Variants in MAN2B2 observed in about 807,000 individuals in gnomAD.
The protein encoded by MAN2B2 is epididymis-specific alpha-mannosidase.
Under a neutral mutation model 117.1 loss-of-function variants are expected in MAN2B2, and 106 were observed. That is an observed-to-expected ratio of 0.90 (90% CI 0.77 to 1.06). The LOEUF is 1.06. Ranked by LOEUF, MAN2B2 falls within the 50% of genes least tolerant of loss-of-function variation. The probability of loss-of-function intolerance (pLI) is 0.00; values close to 1 mark genes in which losing one functional copy is unlikely to be tolerated. For missense variants in MAN2B2, 1,326 were observed against 1,381.4 expected, an observed-to-expected ratio of 0.96 and a Z score of 0.64; for synonymous variants, 544 against 595.1, an observed-to-expected ratio of 0.91 and a Z score of 1.25.
chr4:6,609,168 G>T lies in MAN2B2; in HGVS notation c.1876G>T (p.Val626Leu). ...CCTGGAGTACCACGTCAACGGGGAT[G>T]TGAAACAGGGCCCCATTTCCGATAA... ...EFLEYHVNGD[V>L]KQGPISDNYL... The change falls in exon 12 of 19, where the codon GTG (valine) becomes TTG (leucine). Residue 626 changes from valine to leucine, a missense_variant. Transcript: ENST00000285599. 6.2e-7 allele frequency: 1 copy of T among 1,614,248 alleles called. No individual in the cohort carries two copies. Among genetic ancestry groups the T allele is most frequent in the Non-Finnish European group, 8.5e-7 (1 of 1,180,036 alleles).
chr4:6,578,325 T>A, intron 2 of MAN2B2, 68 bp from the exon 3 acceptor site: 1 of 1,201,424 alleles, frequency 8.3e-7, no homozygotes, highest in Non-Finnish European at 1.2e-6. Flanking sequence ...TGTAGGTGTG[T>A]TCCCCACAGA....
chr4:6,617,952 A>T (rs1456339732), intron 17 of MAN2B2: 1 of 168,616 alleles, frequency 5.9e-6, no homozygotes, highest in Non-Finnish European at 1.2e-5. Flanking sequence ...GGTTCAAGTG[A>T]TTCTCCTGCC....
At position 6,593,171 on chromosome 4, in the gene MAN2B2, A is replaced by G; in HGVS notation, c.681-2A>G. On this transcript the variant is annotated splice_acceptor_variant, in intron 5 of 18. Coordinates refer to ENST00000285599, the MANE Select transcript of MAN2B2 (RefSeq NM_015274.3). LOFTEE classifies it high-confidence loss of function. ...CTGCCCTAACCTTCTGCCCTCGCAC[A>G]GGTCAGGATTTTACTGGAATGGCGT... 6.2e-7 allele frequency: 1 copy of G among 1,613,222 alleles called. No individual in the cohort carries two copies. The highest frequency in any genetic ancestry group is 1.3e-5 in the African/African-American group (1 of 75,004).
chr4:6,612,700 C>T (rs1056589824), intron 15 of MAN2B2, among the ~76,000 whole-genome samples: 3 of 152,254 alleles, frequency 2.0e-5, no homozygotes, highest in African/African-American at 7.2e-5. Flanking sequence ...TTCTGTGTAG[C>T]TGGGGCTTTT....
intron 4 of MAN2B2, among the ~76,000 whole-genome samples, chr4:6,587,404 G>A (rs1374689915): frequency 6.6e-6 from 1 of 152,156 alleles, no homozygotes; most frequent in African/African-American, 2.4e-5. Flanking sequence ...GCTGCCTCCC[G>A]CTTCCAGACC....
intron 12 of MAN2B2, 106 bp downstream of exon 12, chr4:6,609,404 G>A (rs1560659038): frequency 1.7e-6 from 2 of 1,150,912 alleles, no homozygotes; most frequent in Admixed American, 2.4e-5. Flanking sequence ...CAGCTTCCGG[G>A]CCGTGGTTGA....
At chr4:6,607,586 T>C (rs1463677636) in intron 11 of MAN2B2, among the ~76,000 whole-genome samples, 1 of 152,376 alleles carries the variant, frequency 6.6e-6, no homozygotes, top group East Asian at 1.9e-4. Context: ...GGCAGAATAC[T>C]ATTCCATCGC....
rs201984178 is a variant in MAN2B2 at position 6,621,207 on chromosome 4, G to A, written c.2952G>A (p.Ser984=). 3.8e-5 allele frequency: 62 copies of A among 1,614,010 alleles called. No homozygotes were observed. Among genetic ancestry groups the A allele is most frequent in the Middle Eastern group, 1.6e-4 (1 of 6,062 alleles). The change falls in exon 19 of 19, where the codon TCG becomes TCA. Residue 984 remains serine (S), a synonymous_variant. Coordinates refer to ENST00000285599, the MANE Select transcript of MAN2B2 (RefSeq NM_015274.3). ...GRHRGDTTSP[S]RPPGGPIITV... is the part of the protein sequence containing the mutation. ...CCCTAGGTGACACCACCTCTCCCTC[G>A]AGGCCACCAGGAGGCCCCATCATCA...
Position 6,576,674 on chromosome 4 carries a change from T to C in MAN2B2, c.235T>C (p.Phe79Leu). Reference protein sequence around the residue: ...QRRFIAVEQEFFRLWWDGVAS... With the variant: ...QRRFIAVEQELFRLWWDGVAS... ...CCGGTTCATCGCTGTGGAGCAGGAG[T>C]TTTTCCGGCTGTGGTGGGATGGCGT... The change falls in exon 2 of 19, where the codon TTT (phenylalanine) becomes CTT (leucine). Residue 79 changes from phenylalanine (F) to leucine (L), a missense_variant. Coordinates refer to ENST00000285599, the MANE Select transcript of MAN2B2 (RefSeq NM_015274.3). 1.2e-6 allele frequency: 2 copies of C among 1,613,108 alleles called. No homozygotes were observed. The highest frequency in any genetic ancestry group is 1.7e-6 in the Non-Finnish European group (2 of 1,179,730).
chr4:6,579,152 A>ACCC (rs1560634567), intron 3 of MAN2B2, among the ~76,000 whole-genome samples: 18 of 86,842 alleles, frequency 2.1e-4, no homozygotes, highest in East Asian at 5.7e-4. Flanking sequence ...CACCACCACC[A>ACCC]TCACCATCAC....
chr4:6,609,803 T>G lies in MAN2B2; in HGVS notation c.2012T>G (p.Met671Arg), dbSNP rs61733400. 1 of 1,489,980 alleles carries G rather than the reference T, an allele frequency of 6.7e-7. No homozygotes were observed. The highest frequency in any genetic ancestry group is 1.4e-5 in the African/African-American group (1 of 71,022). The allele number at this position is 1,489,980 out of a possible 1,614,324, so 92.3% of individuals were successfully genotyped here. ...TEIRQYFYRN[M>R]TAQNYTYAIR... is the part of the protein sequence containing the mutation. ...GATGCTCCCTTCTCCTCCAGGAACA[T>G]GACAGCACAGAATTACACGTATGCA... is the stretch of plus-strand genomic sequence containing the variant. The change falls in exon 13 of 19, where the codon ATG (methionine) becomes AGG (arginine). Residue 671 changes from methionine (M) to arginine (R), a missense_variant. By Grantham distance (91) the Met-to-Arg change is moderately conservative (BLOSUM62 -1). Transcript: ENST00000285599.
intron 8 of MAN2B2, 129 bp downstream of exon 8, chr4:6,597,432 G>T: frequency 2.0e-6 from 2 of 1,018,574 alleles, no homozygotes; most frequent in Non-Finnish European, 1.4e-6. Flanking sequence ...GGAAACTGAG[G>T]TTCCCTTTGG....
At chr4:6,587,743 G>GGTT (rs1560641154) in intron 4 of MAN2B2, among the ~76,000 whole-genome samples, 1 of 135,534 alleles carries the variant, frequency 7.4e-6, no homozygotes, top group African/African-American at 2.6e-5. Context: ...GGGTCTTTTG[G>GGTT]GTTGTTGTTT....
chr4:6,598,249 A>G lies in MAN2B2; in HGVS notation c.1300A>G (p.Met434Val), dbSNP rs1727181962. The part of the protein sequence containing the change: ...TGTESPKVRD[M>V]YATHLASGML... ...GACTGAGTCCCCCAAGGTGAGAGAC[A>G]TGTACGCAACGCACCTGGCCTCGGG... Residue 434 changes from methionine (M) to valine (V), a missense_variant, in exon 9 of 19, where the codon ATG (methionine) becomes GTG (valine). Met to Val is a conservative substitution (Grantham distance 21). Coordinates refer to ENST00000285599, the MANE Select transcript of MAN2B2 (RefSeq NM_015274.3). The G allele has an allele frequency of 2.5e-6, 4 of 1,613,668 alleles. No individual in the cohort carries two copies. The highest frequency in any genetic ancestry group is 1.7e-5 in the Admixed American group (1 of 60,008).
chr4:6,621,115 G>T, intron 18 of MAN2B2, 73 bp from the exon 19 acceptor site: 1 of 1,069,258 alleles, frequency 9.4e-7, no homozygotes, highest in African/African-American at 1.5e-5. Flanking sequence ...CTGTAGACAG[G>T]TGCAGGGGGT....
rs754078774 is a variant in MAN2B2 at position 6,605,216 on chromosome 4, C to G, written c.1701C>G (p.Arg567=). ...TGGCGAGCACCCTTCAATTTGGCCG[C>G]AGGCTGAGGAGACGCACCAGCCATG... ...ATVASTLQFG[R]RLRRRTSHAG... is the part of the protein sequence containing the mutation. The change falls in exon 11 of 19, where the codon CGC becomes CGG. Residue 567 remains arginine (R), a synonymous_variant. Coordinates refer to ENST00000285599, the MANE Select transcript of MAN2B2 (RefSeq NM_015274.3). The G allele has an allele frequency of 1.5e-4, 247 of 1,614,114 alleles. No homozygotes were observed. Among genetic ancestry groups the G allele is most frequent in the Non-Finnish European group, 2.1e-4 (243 of 1,180,050 alleles).
At chr4:6,616,910 G>T (rs1307281245) in intron 16 of MAN2B2, among the ~76,000 whole-genome samples, 1 of 152,144 alleles carries the variant, frequency 6.6e-6, no homozygotes, top group East Asian at 1.9e-4. Flanking sequence ...GAGTCTATTA[G>T]TCTGTTCTCA....
At chr4:6,611,670 T>C (rs940177594) in intron 15 of MAN2B2, among the ~76,000 whole-genome samples, 1 of 152,222 alleles carries the variant, frequency 6.6e-6, no homozygotes, top group Non-Finnish European at 1.5e-5. Context: ...CCTGTAATCC[T>C]GTAATGCCAG....
intron 3 of MAN2B2, among the ~76,000 whole-genome samples, chr4:6,585,790 G>A (rs898512314): frequency 9.2e-5 from 14 of 152,110 alleles, no homozygotes; most frequent in African/African-American, 2.9e-4. Flanking sequence ...GCTGGCTCTC[G>A]CGGCTGTGAG....
Sources: gnomAD v4.1 joint callset for allele counts (sites outside exome capture counted in the v4.1 genomes callset) on GRCh38, gnomAD v4.1.1 for gene constraint, MANE v1.5 for transcripts, NCBI Gene and HGNC (gene_info 2026-07-23, HGNC 2026-07-21) for gene names.